The following HDAC9 variants were observed in gnomAD, a reference collection of about 807,000 sequenced individuals.
HDAC9 encodes histone deacetylase 9.
In HDAC9, 41 loss-of-function variants were observed where a neutral mutation model predicts 139.4. The observed-to-expected ratio is 0.29, with a 90% CI of 0.23 to 0.38. HDAC9 has a LOEUF of 0.38. Among genes scored for constraint, HDAC9 ranks in the 10% least tolerant of loss-of-function variants. The pLI, the probability that HDAC9 is intolerant of heterozygous loss-of-function variation, is 1.00. For missense variants in HDAC9, 1,147 were observed against 1,297.0 expected (o/e 0.88, Z 1.78); for synonymous variants, 517 against 476.2 (o/e 1.09, Z -1.12).
chr7:18,595,671 A>G (rs1421062631), intron 6 of HDAC9, among the ~76,000 whole-genome samples: 1 of 152,034 alleles, frequency 6.6e-6, no homozygotes, highest in Non-Finnish European at 1.5e-5. Flanking sequence ...ATTCACAGAG[A>G]AAGACTTCTA....
chr7:18,979,469 T>G (rs1044371612), intron 25 of HDAC9, among the ~76,000 whole-genome samples: 3 of 152,232 alleles, frequency 2.0e-5, no homozygotes, highest in African/African-American at 7.2e-5. Flanking sequence ...TCTTATTTTA[T>G]TCTATGATAC....
chr7:18,482,846 G>T (rs1586208605), intron 1 of HDAC9, among the ~76,000 whole-genome samples: 2 of 152,238 alleles, frequency 1.3e-5, no homozygotes, highest in East Asian at 1.9e-4. Flanking sequence ...TGTGAACACT[G>T]AAGGCCCTTC....
chr7:18,465,416 A>G (rs1443265706), intron 1 of HDAC9, among the ~76,000 whole-genome samples: 1 of 151,982 alleles, frequency 6.6e-6, no homozygotes, highest in Non-Finnish European at 1.5e-5. Context: ...ATCCTTCATT[A>G]TATATTCATT....
At chr7:18,634,884 C>A in intron 8 of HDAC9, 142 bp downstream of exon 8, 5 of 549,616 alleles carry the variant, frequency 9.1e-6, no homozygotes, top group Admixed American at 3.5e-5. Flanking sequence ...TATTGTAAAC[C>A]AATTGAAAAA....
chr7:18,547,501 C>G (rs1444699896), intron 2 of HDAC9, among the ~76,000 whole-genome samples: 4 of 152,202 alleles, frequency 2.6e-5, no homozygotes, highest in African/African-American at 9.7e-5. Flanking sequence ...TCCCAAAGTG[C>G]TGGGATTACA....
chr7:18,800,181 A>T (rs1052491426), intron 17 of HDAC9, among the ~76,000 whole-genome samples: 1 of 152,218 alleles, frequency 6.6e-6, no homozygotes, highest in African/African-American at 2.4e-5. Context: ...TTCAAAAATG[A>T]TGGTGAATTT....
chr7:18,946,090 A>G (rs1002181906), intron 23 of HDAC9, among the ~76,000 whole-genome samples: 51 of 137,992 alleles, frequency 3.7e-4, no homozygotes, highest in African/African-American at 1.3e-3. Context: ...TCCATTCATT[A>G]TGGCTCAGTA....
chr7:18,532,758 T>C (rs1193770260), intron 2 of HDAC9, among the ~76,000 whole-genome samples: 1 of 151,712 alleles, frequency 6.6e-6, no homozygotes, highest in Non-Finnish European at 1.5e-5. Flanking sequence ...CTACTCTGCC[T>C]CTCCCCAATC....
intron 14 of HDAC9, among the ~76,000 whole-genome samples, chr7:18,760,152 A>T (rs1789255932): frequency 1.3e-5 from 2 of 152,058 alleles, no homozygotes; most frequent in Non-Finnish European, 2.9e-5. Context: ...AAGCCCTCTT[A>T]TTTCATAGTG....
intron 5 of HDAC9, among the ~76,000 whole-genome samples, chr7:18,593,681 T>A (rs1445926820): frequency 6.6e-6 from 1 of 152,142 alleles, no homozygotes; most frequent in Non-Finnish European, 1.5e-5. Context: ...AAACTTTCTA[T>A]GTGACTGTAT....
chr7:18,609,939 C>G lies in HDAC9; in HGVS notation c.664+15910C>G, dbSNP rs1435420680. Among the ~76,000 whole-genome samples the G allele has an allele frequency of 3.9e-5, 6 of 152,094 alleles. No individual in the cohort carries two copies. In the East Asian group the frequency reaches 1.2e-3, roughly 29 times the overall value. On this transcript the variant is annotated intron_variant, in intron 6 of 25. Transcript: ENST00000686413. The stretch of plus-strand genomic sequence containing the variant: ...TGATGGTTTCCAGCTTCATCCATGT[C>G]CCTACAAAGGACATGAACTCATCAT...
chr7:18,331,788 A>G (rs1255879004), intron 1 of HDAC9, among the ~76,000 whole-genome samples: 1 of 151,598 alleles, frequency 6.6e-6, no homozygotes, highest in Non-Finnish European at 1.5e-5. Flanking sequence ...GTCCTTTTAA[A>G]TGCTATATTC....
At chr7:18,265,254 A>G (rs1795923378) in intron 2 of HDAC9, among the ~76,000 whole-genome samples, 1 of 152,224 alleles carries the variant, frequency 6.6e-6, no homozygotes, top group Non-Finnish European at 1.5e-5. Context: ...TGCACTTTCA[A>G]TTATAATAAT....
intron 25 of HDAC9, among the ~76,000 whole-genome samples, chr7:18,987,191 A>C (rs1433454523): frequency 6.6e-6 from 1 of 152,164 alleles, no homozygotes; most frequent in East Asian, 1.9e-4. Context: ...TCAGTATGAT[A>C]TTGGCTGTGG....
chr7:18,520,124 T>G (rs1804555717), intron 2 of HDAC9, among the ~76,000 whole-genome samples: 1 of 152,074 alleles, frequency 6.6e-6, no homozygotes, highest in African/African-American at 2.4e-5. Flanking sequence ...AATAAAGTGT[T>G]TTTATATCAG....
chr7:18,204,827 AAT>A (rs1306980950), intron 2 of HDAC9, among the ~76,000 whole-genome samples: 4 of 152,038 alleles, frequency 2.6e-5, no homozygotes, highest in South Asian at 2.1e-4. Context: ...ATATTTCTGC[AAT>A]ATGTTGTTTT....
chr7:18,425,335 C>T (rs946315456), intron 1 of HDAC9, among the ~76,000 whole-genome samples: 1 of 152,166 alleles, frequency 6.6e-6, no homozygotes, highest in African/African-American at 2.4e-5. Flanking sequence ...ACACTGTTTT[C>T]ATAGTTGAAT....
chr7:18,450,566 A>G (rs1055477113), intron 1 of HDAC9, among the ~76,000 whole-genome samples: 1 of 152,178 alleles, frequency 6.6e-6, no homozygotes, highest in African/African-American at 2.4e-5. Context: ...TGATTCTATC[A>G]TTATTGATAT....
At chr7:18,722,552 C>T (rs1337099948) in intron 12 of HDAC9, among the ~76,000 whole-genome samples, 1 of 152,118 alleles carries the variant, frequency 6.6e-6, no homozygotes, top group Non-Finnish European at 1.5e-5. Context: ...TAGTGAAACA[C>T]TTCAATCAGT....
Sources: gnomAD v4.1 joint callset for allele counts (sites outside exome capture counted in the v4.1 genomes callset) on GRCh38, gnomAD v4.1.1 for gene constraint, MANE v1.5 for transcripts, NCBI Gene and HGNC (gene_info 2026-07-23, HGNC 2026-07-21) for gene names.